DLGAP1: variants seen among roughly 807,000 people sequenced by gnomAD.
The protein encoded by DLGAP1 is disks large-associated protein 1.
Under a neutral mutation model 90.8 loss-of-function variants are expected in DLGAP1, and 11 were observed. The ratio of observed to expected loss-of-function variants is 0.12; its 90% confidence interval spans 0.08 to 0.20. The LOEUF is 0.20. Ranked by LOEUF, DLGAP1 falls within the 10% of genes least tolerant of loss-of-function variation. The probability of loss-of-function intolerance (pLI) is 1.00; values close to 1 mark genes in which losing one functional copy is unlikely to be tolerated. For missense variants in DLGAP1, 1,050 were observed against 1,333.8 expected (o/e 0.79, Z 3.31); for synonymous variants, 558 against 540.7 (o/e 1.03, Z -0.44).
At chr18:3,850,872 TA>T (rs1211404592) in intron 4 of DLGAP1, among the ~76,000 whole-genome samples, 2 of 152,212 alleles carry the variant, frequency 1.3e-5, no homozygotes, top group East Asian at 1.9e-4. Flanking sequence ...AGATTTCTTA[TA>T]AAAAATCATC....
chr18:3,841,657 C>A (rs2148635089), intron 4 of DLGAP1, among the ~76,000 whole-genome samples: 1 of 152,190 alleles, frequency 6.6e-6, no homozygotes, highest in Admixed American at 6.5e-5. Context: ...AAAATGGGAA[C>A]AACAACACGA....
At chr18:4,137,412 T>C (rs1024313439) in intron 2 of DLGAP1, among the ~76,000 whole-genome samples, 5 of 152,290 alleles carry the variant, frequency 3.3e-5, no homozygotes, top group South Asian at 4.1e-4. Flanking sequence ...CTTGGTACCT[T>C]TGTTTTAAGG....
rs939094446 is a variant in DLGAP1 at position 3,727,774 on chromosome 18, T to C, written c.1591+1361A>G. On this transcript the variant is annotated intron_variant, in intron 7 of 12. Coordinates refer to ENST00000315677, the MANE Select transcript of DLGAP1 (RefSeq NM_004746.4). This position sits in a 1 kb window ranked among gnomAD's most constrained non-coding sequence, Gnocchi z 4.7. ...AACTCTCATTTAATTTATTAACCTG[T>C]GGTTGTTCTTGGAGAATTTCCTAGT... 6.6e-6 allele frequency: 1 copy of C among 152,192 alleles called. No homozygotes were observed. Among genetic ancestry groups the C allele is most frequent in the African/African-American group, 2.4e-5 (1 of 41,446 alleles). The allele number at this position is 152,192 out of a possible 1,614,324, so 9.4% of individuals were successfully genotyped here. A position where few individuals can be genotyped will look rare whatever the true frequency, so the allele number is the denominator to read the frequency against.
chr18:3,771,016 C>T (rs919979448), intron 5 of DLGAP1: 4 of 152,292 alleles, frequency 2.6e-5, no homozygotes, highest in African/African-American at 9.6e-5. Context: ...TTTAACTTTT[C>T]TATAGAGAAG....
intron 1 of DLGAP1, among the ~76,000 whole-genome samples, chr18:4,271,765 A>T (rs2145360617): frequency 6.6e-6 from 1 of 152,298 alleles, no homozygotes; most frequent in East Asian, 1.9e-4. Context: ...TAACCCACCT[A>T]TTTCCCTTTG....
intron 2 of DLGAP1, among the ~76,000 whole-genome samples, chr18:4,101,871 G>T: frequency 6.6e-6 from 1 of 151,502 alleles, no homozygotes. Context: ...TATATAAGCA[G>T]TTACAGATCT....
At chr18:3,601,614 G>T (rs1410196005) in intron 7 of DLGAP1, among the ~76,000 whole-genome samples, 1 of 151,966 alleles carries the variant, frequency 6.6e-6, no homozygotes, top group African/African-American at 2.4e-5. Context: ...AGGCCGAGGT[G>T]GGCCAATCGT....
In DLGAP1 at chr18:3,587,138, T is replaced by G. The variant is rs1489377908; in HGVS notation, c.1592-4890A>C. ...GGTGCAATCTCGGCTCACTGCAACC[T>G]CTGCCTCCCGGGTTCAAGCAATTCT... On this transcript the variant is annotated intron_variant, in intron 7 of 12. Transcript: ENST00000315677. Among the ~76,000 whole-genome samples, 3 of 152,186 alleles carry G rather than the reference T, an allele frequency of 2.0e-5. No homozygotes were observed. In the East Asian group the frequency reaches 5.8e-4, roughly 29 times the overall value.
intron 3 of DLGAP1, among the ~76,000 whole-genome samples, chr18:3,960,846 C>T (rs963264432): frequency 1.2e-4 from 18 of 152,216 alleles, no homozygotes; most frequent in Non-Finnish European, 2.1e-4. Flanking sequence ...GTCCAGGTGG[C>T]CTGGGCCTTG....
chr18:4,104,975 C>T (rs2075835748), intron 2 of DLGAP1, among the ~76,000 whole-genome samples: 1 of 152,192 alleles, frequency 6.6e-6, no homozygotes, highest in South Asian at 2.1e-4. Flanking sequence ...GCCTGAACCA[C>T]ATTTACTCAT....
At chr18:4,138,707 G>C (rs1347484314) in intron 2 of DLGAP1, among the ~76,000 whole-genome samples, 1 of 152,018 alleles carries the variant, frequency 6.6e-6, no homozygotes, top group Non-Finnish European at 1.5e-5. Context: ...GTTTCAGTAA[G>C]ATTGGTATTA....
intron 1 of DLGAP1, among the ~76,000 whole-genome samples, chr18:4,428,565 G>C (rs1484990889): frequency 6.6e-6 from 1 of 152,008 alleles, no homozygotes; most frequent in Non-Finnish European, 1.5e-5. Context: ...CTGGGGGACA[G>C]AGTGAGACTC....
At chr18:4,074,201 A>G (rs6506175) in intron 2 of DLGAP1, among the ~76,000 whole-genome samples, 126,307 of 152,110 alleles carry the variant, frequency 0.83, 52,700 homozygotes, top group East Asian at 0.94. Context: ...TCTACTAACT[A>G]CCTAAACTTG....
chr18:3,732,748 G>C (rs1411879617), intron 6 of DLGAP1, among the ~76,000 whole-genome samples: 1 of 151,994 alleles, frequency 6.6e-6, no homozygotes, highest in East Asian at 1.9e-4. Flanking sequence ...GGTATGACAA[G>C]GTATTCTAAA....
chr18:3,872,490 A>G (rs1430922783), intron 4 of DLGAP1, among the ~76,000 whole-genome samples: 11 of 152,184 alleles, frequency 7.2e-5, no homozygotes. Context: ...ATATGAATTT[A>G]CCAAAATAAT....
chr18:3,633,814 G>C (rs1338495578), intron 7 of DLGAP1, among the ~76,000 whole-genome samples: 5 of 152,156 alleles, frequency 3.3e-5, no homozygotes, highest in Admixed American at 2.0e-4. Flanking sequence ...CATTCATGGA[G>C]TCAGTGTAAG....
chr18:3,714,242 A>T (rs906432139), intron 7 of DLGAP1, among the ~76,000 whole-genome samples: 4 of 152,212 alleles, frequency 2.6e-5, no homozygotes, highest in Non-Finnish European at 4.4e-5. Flanking sequence ...ATGATTTTCT[A>T]AGACAGTTTA....
chr18:4,008,238 C>G (rs1231511489), intron 2 of DLGAP1, among the ~76,000 whole-genome samples: 1 of 151,716 alleles, frequency 6.6e-6, no homozygotes. Flanking sequence ...CACACACACA[C>G]ACACACACAC....
chr18:3,709,094 G>GA (rs962969078), intron 7 of DLGAP1, among the ~76,000 whole-genome samples: 41 of 152,134 alleles, frequency 2.7e-4, no homozygotes, highest in Admixed American at 5.2e-4. Flanking sequence ...TACAACCGTG[G>GA]AAAAAACATA....
Sources: gnomAD v4.1 joint callset for allele counts (sites outside exome capture counted in the v4.1 genomes callset) on GRCh38, gnomAD v4.1.1 for gene constraint, Gnocchi (gnomAD v3.1) non-coding constraint, MANE v1.5 for transcripts, NCBI Gene and HGNC (gene_info 2026-07-23, HGNC 2026-07-21) for gene names.